RFPL1: variants seen among roughly 807,000 people sequenced by gnomAD.
The protein encoded by RFPL1 is ret finger protein like 1.
RFPL1 carries 6 observed loss-of-function variants against 9.6 expected under a neutral mutation model. That is an observed-to-expected ratio of 0.62 (90% CI 0.34 to 1.23). The LOEUF (loss-of-function observed/expected upper bound fraction) is 1.23, where lower values mean the gene tolerates loss of function less well. Ranked by LOEUF, RFPL1 falls within the 50% of genes most tolerant of loss-of-function variation. The probability of loss-of-function intolerance (pLI) is 0.03; values close to 1 mark genes in which losing one functional copy is unlikely to be tolerated. For missense variants in RFPL1, 352 were observed against 398.4 expected (o/e 0.88, Z 0.99); for synonymous variants, 145 against 149.4 (o/e 0.97, Z 0.22).
the RFPL1 span, among the ~76,000 whole-genome samples, chr22:29,416,084 T>A: frequency 6.6e-6 from 1 of 152,170 alleles, no homozygotes; most frequent in Non-Finnish European, 1.5e-5. Flanking sequence ...ATGTAGAGAA[T>A]CCCTGTCCCC....
intron 1 of RFPL1, chr22:29,439,442 G>T: frequency 2.2e-6 from 1 of 455,946 alleles, no homozygotes; most frequent in South Asian, 3.1e-5. Flanking sequence ...GACCATCCTG[G>T]ATAACACGGT....
chr22:29,391,025 C>G, the RFPL1 span, among the ~76,000 whole-genome samples: 1 of 151,550 alleles, frequency 6.6e-6, no homozygotes, highest in Middle Eastern at 3.4e-3. Context: ...GCCTGTAGTC[C>G]CAGCTACTCA....
the RFPL1 span, among the ~76,000 whole-genome samples, chr22:29,426,102 C>T: frequency 1.2e-4 from 18 of 152,024 alleles, no homozygotes; most frequent in African/African-American, 3.6e-4. Flanking sequence ...GCGGGCGGAT[C>T]GCCTGAGGTC....
the RFPL1 span, among the ~76,000 whole-genome samples, chr22:29,413,689 C>CT: frequency 1.5e-4 from 23 of 152,156 alleles, no homozygotes; most frequent in Admixed American, 1.5e-3. Flanking sequence ...CTTTTAATGT[C>CT]TGACCATAAG....
the RFPL1 span, among the ~76,000 whole-genome samples, chr22:29,393,725 A>G: frequency 0.04 from 6,036 of 152,250 alleles, 400 homozygotes; most frequent in African/African-American, 0.14. Flanking sequence ...TCCTCCCAAG[A>G]AATACATACT....
At chr22:29,396,645 T>C in the RFPL1 span, among the ~76,000 whole-genome samples, 1 of 151,222 alleles carries the variant, frequency 6.6e-6, no homozygotes, top group African/African-American at 2.4e-5. Flanking sequence ...TTGTATTAAT[T>C]AAAAAAAAAT....
At chr22:29,405,996 C>T in the RFPL1 span, among the ~76,000 whole-genome samples, 5 of 150,328 alleles carry the variant, frequency 3.3e-5, no homozygotes, top group African/African-American at 1.2e-4. Context: ...GTAGTCCCAG[C>T]TACTCGGGAG....
At chr22:29,432,222 G>C in the RFPL1 span, among the ~76,000 whole-genome samples, 2 of 152,160 alleles carry the variant, frequency 1.3e-5, no homozygotes, top group African/African-American at 4.8e-5. Context: ...CTCTCAGCGC[G>C]TCAAAGAGTG....
At chr22:29,439,430 G>T in intron 1 of RFPL1, 3 of 517,268 alleles carry the variant, frequency 5.8e-6, no homozygotes, top group South Asian at 4.8e-5. Flanking sequence ...TCAGGAGATC[G>T]GGACCATCCT....
the RFPL1 span, among the ~76,000 whole-genome samples, chr22:29,420,855 G>C: frequency 2.0e-5 from 3 of 151,772 alleles, no homozygotes; most frequent in Non-Finnish European, 2.9e-5. Flanking sequence ...TGGCCTGGGT[G>C]GTCTTAAACT....
At chr22:29,415,398 T>C in the RFPL1 span, among the ~76,000 whole-genome samples, 2 of 152,214 alleles carry the variant, frequency 1.3e-5, no homozygotes, top group Non-Finnish European at 2.9e-5. Context: ...CTTCCCGGTG[T>C]TCAGCCACTG....
At chr22:29,411,623 G>T in the RFPL1 span, among the ~76,000 whole-genome samples, 1 of 151,944 alleles carries the variant, frequency 6.6e-6, no homozygotes, top group East Asian at 1.9e-4. Flanking sequence ...ATCTCTAGAA[G>T]ACTTGGTGGA....
At position 29,442,079 on chromosome 22, in the gene RFPL1, C is replaced by CG; in HGVS notation, c.914dup (p.Thr306HisfsTer3). 1 of 1,598,698 alleles carries CG rather than the reference C, an allele frequency of 6.3e-7. No homozygotes were observed. Among genetic ancestry groups the CG allele is most frequent in the Non-Finnish European group, 8.5e-7 (1 of 1,169,682 alleles). On this transcript the variant is annotated frameshift_variant, in exon 2 of 2. Transcript: ENST00000354373. LOFTEE classifies it low-confidence loss of function (END_TRUNC). ...TTGAGTATCTGTCCTGTGATAAACC[C>CG]GGGCACTACTGATGCTCCAGTCCAT...
chr22:29,439,303 C>G, intron 1 of RFPL1, 139 bp downstream of exon 1: 1 of 1,253,202 alleles, frequency 8.0e-7, no homozygotes, highest in Non-Finnish European at 1.1e-6. Flanking sequence ...ATCAGATTCT[C>G]AGCCCTGACA....
the RFPL1 span, among the ~76,000 whole-genome samples, chr22:29,426,764 T>C: frequency 6.6e-6 from 1 of 152,088 alleles, no homozygotes; most frequent in African/African-American, 2.4e-5. Context: ...AAAAAGTTAT[T>C]TGATTGTGGG....
the RFPL1 span, among the ~76,000 whole-genome samples, chr22:29,410,630 G>GATAGATATATCTACAATATATCT: frequency 1.1e-5 from 1 of 87,964 alleles, no homozygotes; most frequent in South Asian, 3.4e-4. Flanking sequence ...TATATAGATA[G>GATAGATATATCTACAATATATCT]ATATATTGTA....
chr22:29,425,313 G>A, the RFPL1 span, among the ~76,000 whole-genome samples: 1 of 151,772 alleles, frequency 6.6e-6, no homozygotes, highest in African/African-American at 2.4e-5. Flanking sequence ...TGGAAGTCAC[G>A]CTGAACCTTG....
At chr22:29,392,378 C>CTTTTTTT in the RFPL1 span, among the ~76,000 whole-genome samples, 109 of 46,286 alleles carry the variant, frequency 2.4e-3, 25 homozygotes, top group Non-Finnish European at 3.1e-3. Context: ...CCACACCTGG[C>CTTTTTTT]TTTTTTTTTT....
At chr22:29,400,685 C>T in the RFPL1 span, among the ~76,000 whole-genome samples, 2 of 152,212 alleles carry the variant, frequency 1.3e-5, no homozygotes, top group African/African-American at 4.8e-5. Flanking sequence ...CTCTTTTCAG[C>T]CATACTTTTA....
Sources: allele counts gnomAD v4.1 joint callset (sites outside exome capture counted in the v4.1 genomes callset), GRCh38; gene constraint gnomAD v4.1.1; transcripts MANE v1.5; gene names NCBI Gene and HGNC (gene_info 2026-07-23, HGNC 2026-07-21).